The following ATRNL1 variants were observed in gnomAD, a reference collection of about 807,000 sequenced individuals.
ATRNL1 encodes attractin-like protein 1.
Under a neutral mutation model 182.7 loss-of-function variants are expected in ATRNL1, and 95 were observed. That is an observed-to-expected ratio of 0.52 (90% CI 0.44 to 0.62). The LOEUF is 0.62. ATRNL1 is among the 20% of genes least tolerant of loss of function. The probability of loss-of-function intolerance (pLI) is 0.00; values close to 1 mark genes in which losing one functional copy is unlikely to be tolerated. For missense variants in ATRNL1, 1,471 were observed against 1,679.5 expected (o/e 0.88, Z 2.17); for synonymous variants, 576 against 568.3 (o/e 1.01, Z -0.19).
At chr10:115,681,365 G>A (rs1946041191) in intron 26 of ATRNL1, among the ~76,000 whole-genome samples, 1 of 152,014 alleles carries the variant, frequency 6.6e-6, no homozygotes, top group South Asian at 2.1e-4. Context: ...TTTTACGTGT[G>A]TTATCTCATT....
At chr10:115,809,723 ATAT>A (rs1950003932) in intron 27 of ATRNL1, among the ~76,000 whole-genome samples, 1 of 152,020 alleles carries the variant, frequency 6.6e-6, no homozygotes, top group Admixed American at 6.6e-5. Context: ...CTATGAAACA[ATAT>A]TGTCATCTTC....
chr10:115,717,314 T>C (rs2134033438), intron 26 of ATRNL1, among the ~76,000 whole-genome samples: 2 of 152,140 alleles, frequency 1.3e-5, no homozygotes, highest in Admixed American at 1.3e-4. Context: ...ACAAAGAAAA[T>C]TATGTTTTAG....
intron 28 of ATRNL1, among the ~76,000 whole-genome samples, chr10:115,924,956 C>A (rs57211763): frequency 0.17 from 26,371 of 152,110 alleles, 2,384 homozygotes; most frequent in Non-Finnish European, 0.2. Flanking sequence ...TTGAAGAGAT[C>A]CCTCACATCC....
intron 24 of ATRNL1, among the ~76,000 whole-genome samples, chr10:115,489,146 A>G (rs1398791811): frequency 6.6e-6 from 1 of 152,158 alleles, no homozygotes; most frequent in African/African-American, 2.4e-5. Context: ...ACTTACAATC[A>G]TGTGGTCAAT....
chr10:115,664,933 C>A (rs1402961587), intron 26 of ATRNL1, among the ~76,000 whole-genome samples: 5 of 152,076 alleles, frequency 3.3e-5, no homozygotes, highest in Non-Finnish European at 7.4e-5. Flanking sequence ...AAATCTATGT[C>A]ATTTGATATT....
intron 24 of ATRNL1, among the ~76,000 whole-genome samples, chr10:115,515,475 G>A (rs1206885514): frequency 6.6e-6 from 1 of 151,492 alleles, no homozygotes; most frequent in Non-Finnish European, 1.5e-5. Flanking sequence ...GCTTGTTTTG[G>A]CCATATGTGA....
At chr10:115,396,221 C>G (rs1844281499) in intron 20 of ATRNL1, among the ~76,000 whole-genome samples, 1 of 151,832 alleles carries the variant, frequency 6.6e-6, no homozygotes, top group Admixed American at 6.6e-5. Flanking sequence ...AATACAAGTT[C>G]ACAGCAAAAG....
At chr10:115,488,308 C>T (rs12779497) in intron 24 of ATRNL1, among the ~76,000 whole-genome samples, 24,939 of 152,096 alleles carry the variant, frequency 0.16, 2,567 homozygotes, top group South Asian at 0.23. Context: ...ACCAGTTCCT[C>T]TTGGTACCTC....
At chr10:115,521,139 T>C (rs1850906074) in intron 25 of ATRNL1, among the ~76,000 whole-genome samples, 1 of 33,644 alleles carries the variant, frequency 3.0e-5, no homozygotes, top group Non-Finnish European at 6.3e-5. Context: ...AAAACAACTT[T>C]TGTTGTTGTT....
rs1015011265 is a variant in ATRNL1 at position 115,907,772 on chromosome 10, T to A, written c.4019-36886T>A. On this transcript the variant is annotated intron_variant, in intron 28 of 28. Coordinates refer to ENST00000355044, the MANE Select transcript of ATRNL1 (RefSeq NM_207303.4). ...ATATTTTATAATAAAATGTTATATT[T>A]AATGTGAGTACCTTTTACTCTGACA... Among the ~76,000 whole-genome samples the A allele has an allele frequency of 2.0e-5, 3 of 152,050 alleles. No homozygotes were observed. The South Asian group carries it at 6.2e-4, about 32-fold the overall frequency.
chr10:115,426,385 A>C (rs1404157146), intron 21 of ATRNL1, 83 bp downstream of exon 21: 10 of 926,032 alleles, frequency 1.1e-5, no homozygotes, highest in Non-Finnish European at 1.6e-5. Context: ...GAATAACTAA[A>C]ATTGTCATGA....
chr10:115,381,831 CTT>C (rs1326506408), intron 19 of ATRNL1, among the ~76,000 whole-genome samples: 4 of 151,862 alleles, frequency 2.6e-5, no homozygotes, highest in Admixed American at 6.6e-5. Context: ...AATTTTAACT[CTT>C]ATATTTAGGT....
At chr10:115,936,785 A>G (rs555618403) in intron 28 of ATRNL1, among the ~76,000 whole-genome samples, 2 of 152,296 alleles carry the variant, frequency 1.3e-5, no homozygotes, top group East Asian at 3.9e-4. Context: ...TCTAATAAGG[A>G]TTGTCAAGTA....
chr10:115,144,100 C>T (rs1554878742), intron 5 of ATRNL1, among the ~76,000 whole-genome samples: 1 of 151,682 alleles, frequency 6.6e-6, no homozygotes, highest in African/African-American at 2.4e-5. Flanking sequence ...CTGCCTCAGC[C>T]TCCCAAGTAG....
intron 28 of ATRNL1, among the ~76,000 whole-genome samples, chr10:115,914,475 A>T (rs1455330386): frequency 6.6e-6 from 1 of 152,086 alleles, no homozygotes; most frequent in Non-Finnish European, 1.5e-5. Flanking sequence ...GCAGATGGAG[A>T]CTGGTTTATG....
Position 115,587,381 on chromosome 10 carries a change from T to G in ATRNL1, c.3795+37845T>G, listed in dbSNP as rs577249076. Among the ~76,000 whole-genome samples, 150 of 151,874 alleles carry G rather than the reference T, an allele frequency of 9.9e-4. 2 individuals carry two copies. The South Asian group carries it at 0.029, about 30-fold the overall frequency. On this transcript the variant is annotated intron_variant, in intron 26 of 28. Transcript: ENST00000355044. The stretch of plus-strand genomic sequence containing the variant: ...GCCTCGCTGCCGCCTTGCAGTTTGA[T>G]CTCAGACTGCTGTGCTAGCAATCAG...
intron 26 of ATRNL1, among the ~76,000 whole-genome samples, chr10:115,696,905 G>A (rs1565296084): frequency 3.3e-5 from 5 of 151,714 alleles, no homozygotes; most frequent in South Asian, 2.1e-4. Context: ...GAGAGCGAGC[G>A]AGCTAGGGGG....
At chr10:115,350,824 T>C (rs536537475) in intron 19 of ATRNL1, among the ~76,000 whole-genome samples, 4 of 152,174 alleles carry the variant, frequency 2.6e-5, no homozygotes, top group Non-Finnish European at 5.9e-5. Context: ...GGTATTTTGA[T>C]AAGGAGTGCA....
intron 26 of ATRNL1, among the ~76,000 whole-genome samples, chr10:115,628,489 T>C (rs1858258875): frequency 6.6e-6 from 1 of 151,918 alleles, no homozygotes; most frequent in Non-Finnish European, 1.5e-5. Context: ...CCCTATCAGA[T>C]AAATGATTTG....
Sources: gnomAD v4.1 joint callset for allele counts (sites outside exome capture counted in the v4.1 genomes callset) on GRCh38, gnomAD v4.1.1 for gene constraint, MANE v1.5 for transcripts, NCBI Gene and HGNC (gene_info 2026-07-23, HGNC 2026-07-21) for gene names.